SLC4A4: variants seen among roughly 807,000 people sequenced by gnomAD.
SLC4A4 encodes solute carrier family 4 member 4.
In SLC4A4, 27 loss-of-function variants were observed where a neutral mutation model predicts 111.5. That is an observed-to-expected ratio of 0.24 (90% CI 0.18 to 0.33). The LOEUF (loss-of-function observed/expected upper bound fraction) is 0.33, where lower values mean the gene tolerates loss of function less well. SLC4A4 is among the 10% of genes least tolerant of loss of function. The pLI is 1.00. For synonymous variants in SLC4A4, 443 were observed against 463.4 expected (o/e 0.96, Z 0.57); for missense variants, 909 against 1,315.5 (o/e 0.69, Z 4.78).
intron 2 of SLC4A4, among the ~76,000 whole-genome samples, chr4:71,121,215 C>T (rs886889192): frequency 2.0e-5 from 3 of 151,946 alleles, no homozygotes; most frequent in African/African-American, 7.2e-5. Flanking sequence ...CCCCGCTTCC[C>T]TCCCCCCTCC....
intron 14 of SLC4A4, among the ~76,000 whole-genome samples, chr4:71,482,460 T>C (rs1728970300): frequency 6.6e-6 from 1 of 151,644 alleles, no homozygotes; most frequent in Non-Finnish European, 1.5e-5. Flanking sequence ...GAGCAGCTAC[T>C]AAAAGTTCAG....
chr4:71,527,608 G>A (rs1410000686), intron 16 of SLC4A4, among the ~76,000 whole-genome samples: 1 of 151,826 alleles, frequency 6.6e-6, no homozygotes, highest in Non-Finnish European at 1.5e-5. Context: ...CTCCACCAGG[G>A]CCAGAGGTAT....
intron 16 of SLC4A4, among the ~76,000 whole-genome samples, chr4:71,508,735 G>T (rs1282135884): frequency 1.3e-5 from 2 of 152,286 alleles, no homozygotes; most frequent in East Asian, 1.9e-4. Context: ...TAAAAGGAGA[G>T]ACTTCTCCCT....
intron 6 of SLC4A4, among the ~76,000 whole-genome samples, chr4:71,365,021 T>A (rs1224289998): frequency 1.3e-5 from 2 of 152,274 alleles, no homozygotes; most frequent in African/African-American, 2.4e-5. Context: ...CTAGTATTTT[T>A]AAATTTAGAG....
chr4:71,479,160 A>T (rs1265196565), intron 14 of SLC4A4, among the ~76,000 whole-genome samples: 1 of 151,802 alleles, frequency 6.6e-6, no homozygotes, highest in East Asian at 1.9e-4. Flanking sequence ...TTCCAGGAGA[A>T]CATGCTTAAC....
At chr4:71,231,626 G>A (rs1246606242) in intron 1 of SLC4A4, among the ~76,000 whole-genome samples, 1 of 152,196 alleles carries the variant, frequency 6.6e-6, no homozygotes, top group Non-Finnish European at 1.5e-5. Flanking sequence ...ATACTGACTG[G>A]TGTGACCCTT....
At chr4:71,154,678 A>C (rs1447337782) in intron 2 of SLC4A4, among the ~76,000 whole-genome samples, 1 of 152,232 alleles carries the variant, frequency 6.6e-6, no homozygotes, top group African/African-American at 2.4e-5. Flanking sequence ...ACCTGGAGGC[A>C]AAATAGAAAT....
chr4:71,279,149 T>A (rs1723301234), intron 3 of SLC4A4, among the ~76,000 whole-genome samples: 1 of 152,194 alleles, frequency 6.6e-6, no homozygotes, highest in Admixed American at 6.5e-5. Flanking sequence ...TTAACTATAG[T>A]CACCTTGCTG....
At chr4:71,121,732 G>A (rs1285171245) in intron 2 of SLC4A4, among the ~76,000 whole-genome samples, 1 of 152,176 alleles carries the variant, frequency 6.6e-6, no homozygotes, top group Non-Finnish European at 1.5e-5. Flanking sequence ...GGTCAGATAA[G>A]GGAATAAAAG....
intron 1 of SLC4A4, among the ~76,000 whole-genome samples, chr4:71,233,819 A>G (rs533931937): frequency 6.6e-6 from 1 of 151,974 alleles, no homozygotes; most frequent in South Asian, 2.1e-4. Flanking sequence ...CTTACTGTCC[A>G]TTTTTCACAT....
At chr4:71,297,176 T>A (rs1221389456) in intron 3 of SLC4A4, among the ~76,000 whole-genome samples, 1 of 152,178 alleles carries the variant, frequency 6.6e-6, no homozygotes, top group Non-Finnish European at 1.5e-5. Context: ...AGCTAGAGAC[T>A]TGGCTGTGGG....
chr4:71,353,781 AC>A (rs934023608), intron 5 of SLC4A4, among the ~76,000 whole-genome samples: 15 of 152,206 alleles, frequency 9.9e-5, no homozygotes, highest in Non-Finnish European at 1.6e-4. Flanking sequence ...ATTATATCAA[AC>A]AAACAATAGC....
At chr4:71,136,360 T>G (rs1035210819) in intron 2 of SLC4A4, among the ~76,000 whole-genome samples, 5 of 152,202 alleles carry the variant, frequency 3.3e-5, no homozygotes, top group African/African-American at 1.2e-4. Context: ...ATGTTTTGAG[T>G]TCTCTTGAGA....
At chr4:71,180,484 T>A (rs1445903292) in intron 2 of SLC4A4, among the ~76,000 whole-genome samples, 2 of 152,174 alleles carry the variant, frequency 1.3e-5, no homozygotes, top group Non-Finnish European at 2.9e-5. Context: ...GAATCTACAT[T>A]GAACTCCAAC....
intron 6 of SLC4A4, among the ~76,000 whole-genome samples, chr4:71,368,076 T>C (rs1731490310): frequency 6.6e-6 from 1 of 152,206 alleles, no homozygotes. Context: ...GATGGCTAGA[T>C]ATTTCCAACC....
At chr4:71,284,619 CTAA>C (rs1275760367) in intron 3 of SLC4A4, among the ~76,000 whole-genome samples, 3 of 152,280 alleles carry the variant, frequency 2.0e-5, no homozygotes, top group Middle Eastern at 6.8e-3. Flanking sequence ...CAAGTCATTG[CTAA>C]TAATGTTAGA....
rs181184794 is a variant in SLC4A4 at position 71,349,907 on chromosome 4, C to G, written c.390-5C>G. Reference sequence around the variant, plus strand: ...AATTGCTCTTCACTAATCTCATCTTCCTAGGTGGATCAAGTTTGAAGAAAA... The same window carrying G: ...AATTGCTCTTCACTAATCTCATCTTGCTAGGTGGATCAAGTTTGAAGAAAA... On this transcript the variant is annotated splice_region_variant and splice_polypyrimidine_tract_variant and intron_variant, in intron 4 of 25. Coordinates refer to ENST00000264485, the MANE Select transcript of SLC4A4 (RefSeq NM_001098484.3). 6.3e-5 allele frequency: 102 copies of G among 1,613,962 alleles called. No individual in the cohort carries two copies. The highest frequency in any genetic ancestry group is 3.3e-4 in the Middle Eastern group (2 of 6,060).
intron 15 of SLC4A4, 57 bp downstream of exon 15, chr4:71,487,075 T>A: frequency 1.1e-6 from 1 of 936,786 alleles, no homozygotes; most frequent in Non-Finnish European, 1.7e-6. Flanking sequence ...GTATACTTGT[T>A]TATAATACTT....
chr4:71,208,457 T>TAA (rs1560780464), intron 1 of SLC4A4, among the ~76,000 whole-genome samples: 10 of 149,622 alleles, frequency 6.7e-5, no homozygotes, highest in African/African-American at 2.0e-4. Flanking sequence ...TATATATATA[T>TAA]AATAAAACAA....
Sources: allele counts gnomAD v4.1 joint callset (sites outside exome capture counted in the v4.1 genomes callset), GRCh38; gene constraint gnomAD v4.1.1; transcripts MANE v1.5; gene names NCBI Gene and HGNC (gene_info 2026-07-23, HGNC 2026-07-21).